TMEM132B: variants seen among roughly 807,000 people sequenced by gnomAD.
TMEM132B encodes transmembrane protein 132B.
TMEM132B carries 18 observed loss-of-function variants against 90.8 expected under a neutral mutation model. The ratio of observed to expected loss-of-function variants is 0.20; its 90% CI spans 0.14 to 0.29. TMEM132B has a LOEUF of 0.29. TMEM132B is among the 10% of genes least tolerant of loss of function. TMEM132B has a pLI of 1.00. For synonymous variants in TMEM132B, 504 were observed against 523.3 expected (o/e 0.96, Z 0.50); for missense variants, 1,096 against 1,326.8 (o/e 0.83, Z 2.70).
At chr12:125,189,636 A>C (rs1957784093) in intron 1 of TMEM132B, among the ~76,000 whole-genome samples, 1 of 152,168 alleles carries the variant, frequency 6.6e-6, no homozygotes, top group Non-Finnish European at 1.5e-5. Context: ...ATGGCTGCAC[A>C]GTGGAGGTTC....
rs2137065476 is a variant in TMEM132B, at chr12:125,657,304, G to A, written c.*2594G>A. On this transcript the variant is annotated 3_prime_UTR_variant, in exon 9 of 9. Coordinates refer to ENST00000682704, the MANE Select transcript of TMEM132B (RefSeq NM_001366854.1). ...CCTTCCACCATATAACCCACACCCAGATGTATATAAACGCATATACATACA... is the reference window on the plus strand; with the variant it reads ...CCTTCCACCATATAACCCACACCCAAATGTATATAAACGCATATACATACA... 6.6e-6 allele frequency: 1 copy of A among 151,054 alleles called. No individual in the cohort carries two copies. Among genetic ancestry groups the A allele is most frequent in the South Asian group, 2.1e-4 (1 of 4,742 alleles). 9.4% of individuals were successfully genotyped at this position (151,054 alleles called of 1,614,324 possible).
chr12:125,607,598 T>TAAC (rs1885728199), intron 5 of TMEM132B, among the ~76,000 whole-genome samples: 1 of 152,224 alleles, frequency 6.6e-6, no homozygotes, highest in Non-Finnish European at 1.5e-5. Context: ...TTAACACTCA[T>TAAC]AACAGTACAA....
chr12:125,190,188 C>A (rs879467128), intron 1 of TMEM132B, among the ~76,000 whole-genome samples: 4 of 152,206 alleles, frequency 2.6e-5, no homozygotes, highest in African/African-American at 9.6e-5. Context: ...TCCTTAACTC[C>A]TCACCTATGA....
chr12:125,369,823 C>T (rs544303545), intron 2 of TMEM132B, among the ~76,000 whole-genome samples: 414 of 152,210 alleles, frequency 2.7e-3, no homozygotes, highest in Non-Finnish European at 5.1e-3. Flanking sequence ...GCGGAGGTGG[C>T]GGATCACCTG....
chr12:125,476,526 A>G (rs1403069626), intron 3 of TMEM132B, among the ~76,000 whole-genome samples: 1 of 152,180 alleles, frequency 6.6e-6, no homozygotes, highest in Non-Finnish European at 1.5e-5. Flanking sequence ...CAATTTGTTT[A>G]TCCATTACTG....
At chr12:125,575,947 G>T (rs921865791) in intron 4 of TMEM132B, among the ~76,000 whole-genome samples, 3 of 152,026 alleles carry the variant, frequency 2.0e-5, no homozygotes, top group Admixed American at 2.0e-4. Context: ...TATCCAGATT[G>T]CTATGGCTAT....
At chr12:125,222,157 G>A (rs1462223346) in intron 1 of TMEM132B, among the ~76,000 whole-genome samples, 1 of 152,174 alleles carries the variant, frequency 6.6e-6, no homozygotes, top group African/African-American at 2.4e-5. Flanking sequence ...TTAGAAAGGT[G>A]GGAAAGGGAG....
intron 1 of TMEM132B, among the ~76,000 whole-genome samples, chr12:125,257,024 A>G (rs1388454904): frequency 6.6e-6 from 1 of 152,178 alleles, no homozygotes; most frequent in Non-Finnish European, 1.5e-5. Flanking sequence ...GGTAAAAAAG[A>G]TGGTCAAGGC....
chr12:125,304,120 G>A (rs932550306), intron 1 of TMEM132B, among the ~76,000 whole-genome samples: 4 of 152,194 alleles, frequency 2.6e-5, no homozygotes, highest in African/African-American at 7.2e-5. Context: ...TAGATCCCTC[G>A]CATGCGCAGT....
chr12:125,648,737 C>T (rs573557435), intron 6 of TMEM132B, among the ~76,000 whole-genome samples: 1 of 152,186 alleles, frequency 6.6e-6, no homozygotes, highest in Non-Finnish European at 1.5e-5. Flanking sequence ...AAACACAAGC[C>T]TAGTGGTGTT....
chr12:125,532,175 T>G (rs912039940), intron 4 of TMEM132B, among the ~76,000 whole-genome samples: 6 of 152,206 alleles, frequency 3.9e-5, no homozygotes, highest in Admixed American at 1.3e-4. Flanking sequence ...CCTTTGCTGA[T>G]GTATAATTTC....
Position 125,415,788 on chromosome 12 carries a change from T to C in TMEM132B, c.1106+111T>C. On this transcript the variant is annotated intron_variant, in intron 3 of 8. Transcript: ENST00000682704. The surrounding 1 kb of genome is among the most constrained non-coding windows in gnomAD (Gnocchi z 5.3). ...GATAAAGCGATGCCTCTGCGTTTAATGAGAAATGATTTTTGAGGTCGGCAG... is the reference window on the plus strand; with the variant it reads ...GATAAAGCGATGCCTCTGCGTTTAACGAGAAATGATTTTTGAGGTCGGCAG... 2 of 1,344,258 alleles carry C rather than the reference T, an allele frequency of 1.5e-6. No homozygotes were observed. The highest frequency in any genetic ancestry group is 2.0e-6 in the Non-Finnish European group (2 of 1,023,304). The allele number at this position is 1,344,258 out of a possible 1,614,324, so 83.3% of individuals were successfully genotyped here.
rs554529127 is a variant in TMEM132B, at chr12:125,473,488, G to A, written c.1107-45951G>A. 3.9e-5 allele frequency among the ~76,000 whole-genome samples: 6 copies of A among 152,336 alleles called. No individual in the cohort carries two copies. The South Asian group carries it at 1.2e-3, about 32-fold the overall frequency. On this transcript the variant is annotated intron_variant, in intron 3 of 8. Transcript: ENST00000682704. ...CTGACTTCCCAGCAGCTATCAAAGT[G>A]TGTGGCTTATAATAGTGTCTAATAC...
At chr12:125,376,064 A>G (rs1727627851) in intron 2 of TMEM132B, among the ~76,000 whole-genome samples, 1 of 152,186 alleles carries the variant, frequency 6.6e-6, no homozygotes, top group African/African-American at 2.4e-5. Context: ...GGTTAAGTCA[A>G]GGAGGTAGTG....
At chr12:125,269,579 T>G (rs972106187) in intron 1 of TMEM132B, among the ~76,000 whole-genome samples, 6 of 152,142 alleles carry the variant, frequency 3.9e-5, no homozygotes, top group African/African-American at 1.4e-4. Context: ...AATAAAAACC[T>G]TCTCCTTGTT....
chr12:125,297,249 C>T (rs1228112942), intron 1 of TMEM132B, among the ~76,000 whole-genome samples: 1 of 152,228 alleles, frequency 6.6e-6, no homozygotes, highest in Non-Finnish European at 1.5e-5. Context: ...GGGATCGTCT[C>T]ATGTCCCGAG....
intron 1 of TMEM132B, among the ~76,000 whole-genome samples, chr12:125,338,313 T>C (rs1463005762): frequency 3.3e-5 from 5 of 152,200 alleles, no homozygotes; most frequent in African/African-American, 9.7e-5. Flanking sequence ...TCACATTGTG[T>C]CCTCAGCGTG....
At chr12:125,292,522 C>G (rs1055871710) in intron 1 of TMEM132B, among the ~76,000 whole-genome samples, 3 of 152,192 alleles carry the variant, frequency 2.0e-5, no homozygotes, top group Admixed American at 6.5e-5. Flanking sequence ...TTGCGAGTGA[C>G]AGAAACTCAA....
At position 125,349,972 on chromosome 12, in the gene TMEM132B, C is replaced by A; in HGVS notation, c.588C>A (p.Pro196=). 1 of 1,614,164 alleles carries A rather than the reference C, an allele frequency of 6.2e-7. No individual in the cohort carries two copies. Among genetic ancestry groups the A allele is most frequent in the Non-Finnish European group, 8.5e-7 (1 of 1,180,030 alleles). The change falls in exon 2 of 9, where the codon CCC becomes CCA. Residue 196 remains proline, a synonymous_variant. Transcript: ENST00000682704. The surrounding 1 kb of genome is among the most constrained non-coding windows in gnomAD (Gnocchi z 4.1). ...GTGTGGCTGAGCTGGAGCTGCTGCC[C>A]GAGTGGTTCAGCTCAGGCCTGGACC... The part of the protein sequence containing the change: ...GLCVAELELL[P]EWFSSGLDLE...
Sources: gnomAD v4.1 joint callset for allele counts (sites outside exome capture counted in the v4.1 genomes callset) on GRCh38, gnomAD v4.1.1 for gene constraint, Gnocchi (gnomAD v3.1) non-coding constraint, MANE v1.5 for transcripts, NCBI Gene and HGNC (gene_info 2026-07-23, HGNC 2026-07-21) for gene names.